The following EFHB variants were observed in gnomAD, a reference collection of about 807,000 sequenced individuals.
The protein encoded by EFHB is EF-hand domain-containing family member B.
A neutral mutation model predicts 87.2 loss-of-function variants in EFHB; 91 were observed. The ratio of observed to expected loss-of-function variants is 1.04; its 90% CI spans 0.88 to 1.24. The LOEUF (loss-of-function observed/expected upper bound fraction) is 1.24. Ranked by LOEUF, EFHB falls within the 50% of genes most tolerant of loss-of-function variation. The pLI, the probability that EFHB is intolerant of heterozygous loss-of-function variation, is 0.00. For missense variants in EFHB, 1,084 were observed against 998.8 expected (o/e 1.09, Z -1.15); for synonymous variants, 325 against 333.6 (o/e 0.97, Z 0.28).
chr3:19,915,485 G>T, intron 4 of EFHB, 72 bp from the exon 5 acceptor site: 1 of 922,780 alleles, frequency 1.1e-6, no homozygotes, highest in South Asian at 1.7e-5. Context: ...ATATTGACTA[G>T]AACAAATGAG....
intron 9 of EFHB, among the ~76,000 whole-genome samples, chr3:19,895,623 T>C (rs1485121512): frequency 6.6e-6 from 1 of 152,196 alleles, no homozygotes; most frequent in Non-Finnish European, 1.5e-5. Flanking sequence ...CTCTTATTCA[T>C]GTCACTACCA....
intron 1 of EFHB, among the ~76,000 whole-genome samples, chr3:19,926,327 TTTTTTTGGGGTTTTTTTTG>T (rs1461428265): frequency 1.4e-5 from 1 of 69,222 alleles, no homozygotes; most frequent in Non-Finnish European, 4.4e-5. Flanking sequence ...GGTTTTTTGG[TTTTTTTGGGGTTTTTTTTG>T]TTTTTTGGGG....
intron 1 of EFHB, among the ~76,000 whole-genome samples, chr3:19,921,181 A>ATGGAG (rs1695424178): frequency 6.6e-6 from 1 of 152,230 alleles, no homozygotes; most frequent in Non-Finnish European, 1.5e-5. Flanking sequence ...GAAATTGAGA[A>ATGGAG]TGGAGTGGAG....
chr3:19,928,851 A>G (rs753439065), intron 1 of EFHB, among the ~76,000 whole-genome samples: 5 of 152,220 alleles, frequency 3.3e-5, no homozygotes, highest in Non-Finnish European at 7.3e-5. Flanking sequence ...GAAAAGGACA[A>G]AAGTGTCAAT....
upstream of EFHB, among the ~76,000 whole-genome samples, chr3:19,939,140 C>G (rs1235318082): frequency 6.6e-6 from 1 of 150,722 alleles, no homozygotes; most frequent in Non-Finnish European, 1.5e-5. Context: ...CTCCTGACCT[C>G]AGGTGATCCA....
At position 19,933,875 on chromosome 3, in the gene EFHB, C is replaced by G; in HGVS notation, c.144G>C (p.Val48=). 6.2e-7 allele frequency: 1 copy of G among 1,613,958 alleles called. No individual in the cohort carries two copies. Among genetic ancestry groups the G allele is most frequent in the African/African-American group, 1.3e-5 (1 of 75,024 alleles). Residue 48 remains valine (V), a synonymous_variant, in exon 1 of 13, where the codon GTG becomes GTC. Coordinates refer to ENST00000295824, the MANE Select transcript of EFHB (RefSeq NM_144715.4). ...TCCTTCCCTCACACTTATTACTAACCACAGGGCTCTCCCCGCATCGGGAAT... is the reference window on the plus strand; with the variant it reads ...TCCTTCCCTCACACTTATTACTAACGACAGGGCTCTCCCCGCATCGGGAAT... ...KEDSRCGESP[V]VSNKCEGRMA...
chr3:19,933,231 C>G lies in EFHB; in HGVS notation c.788G>C (p.Ser263Thr). ...KFFDRTPCWPSAGKVIPVGYR... is the reference protein window; with the variant it reads ...KFFDRTPCWPTAGKVIPVGYR... ...TATGGAAAGTGGAAAAAAACTTACACTTGGCCAGCAAGGGGTCCGATCAAA... is the reference window on the plus strand; with the variant it reads ...TATGGAAAGTGGAAAAAAACTTACAGTTGGCCAGCAAGGGGTCCGATCAAA... The change falls in exon 1 of 13, where the codon AGT (serine) becomes ACT (threonine). Residue 263 changes from serine to threonine, a missense_variant and splice_region_variant. Transcript: ENST00000295824. 1 of 1,610,982 alleles carries G rather than the reference C, an allele frequency of 6.2e-7. No individual in the cohort carries two copies. The highest frequency in any genetic ancestry group is 8.5e-7 in the Non-Finnish European group (1 of 1,177,948).
In EFHB at chr3:19,884,419, T is replaced by C. The variant is rs761392775; in HGVS notation, c.2130A>G (p.Gly710=). 1 of 1,613,558 alleles carries C rather than the reference T, an allele frequency of 6.2e-7. No homozygotes were observed. ...GTGACATACAAGTAGAAGGAATGGC[T>C]CCTACAATTGCATTGATCTCAGAAG... ...TTSSEINAIV[G]AIPSTCYPIC... The change falls in exon 11 of 13, where the codon GGA becomes GGG. Residue 710 remains glycine (G), a synonymous_variant. Transcript: ENST00000295824.
At chr3:19,916,156 A>G (rs1695223400) in intron 4 of EFHB, among the ~76,000 whole-genome samples, 1 of 152,198 alleles carries the variant, frequency 6.6e-6, no homozygotes, top group African/African-American at 2.4e-5. Flanking sequence ...CCTGTGGGGT[A>G]GCCATGGTGT....
At chr3:19,932,865 G>C (rs1333562743) in intron 1 of EFHB, among the ~76,000 whole-genome samples, 1 of 152,110 alleles carries the variant, frequency 6.6e-6, no homozygotes, top group Admixed American at 6.6e-5. Flanking sequence ...ACTAAACAAT[G>C]AATGGAAAAA....
At chr3:19,887,401 AG>A (rs1474527662) in intron 10 of EFHB, among the ~76,000 whole-genome samples, 1 of 147,672 alleles carries the variant, frequency 6.8e-6, no homozygotes. Flanking sequence ...AAAAAAAAAA[AG>A]GAAGAAGAGA....
intron 1 of EFHB, among the ~76,000 whole-genome samples, chr3:19,925,021 G>A (rs1228371890): frequency 1.3e-5 from 2 of 151,876 alleles, no homozygotes; most frequent in African/African-American, 4.8e-5. Context: ...CGAGGTGGGC[G>A]GATCACGAGG....
rs560304396 is a variant in EFHB at position 19,945,455 on chromosome 3, A to G, written c.-32+1464T>C. Reference sequence around the variant, plus strand: ...TTGGGATTAGACTTCAAATTTGGGGATTAGATAATTTGTTGATAGAATGGA... The same window carrying G: ...TTGGGATTAGACTTCAAATTTGGGGGTTAGATAATTTGTTGATAGAATGGA... On this transcript the variant is annotated intron_variant, in intron 1 of 14. Coordinates refer to the EFHB transcript ENST00000344838. 2.0e-5 allele frequency among the ~76,000 whole-genome samples: 3 copies of G among 152,276 alleles called. No homozygotes were observed. In the East Asian group the frequency reaches 5.8e-4, roughly 29 times the overall value.
chr3:19,945,630 T>C (rs1696257280), intron 1 of EFHB, among the ~76,000 whole-genome samples: 1 of 152,186 alleles, frequency 6.6e-6, no homozygotes, highest in African/African-American at 2.4e-5. Flanking sequence ...ATGACAAAAC[T>C]GATGTCACAT....
chr3:19,908,598 G>GAGACAGAA (rs1694937855), intron 5 of EFHB, among the ~76,000 whole-genome samples: 7 of 77,858 alleles, frequency 9.0e-5, no homozygotes, highest in Non-Finnish European at 1.2e-4. Flanking sequence ...GAGAGAGAGA[G>GAGACAGAA]AGAAAGAAAG....
At chr3:19,880,307 T>G (rs1241071432) in intron 12 of EFHB, among the ~76,000 whole-genome samples, 2 of 151,962 alleles carry the variant, frequency 1.3e-5, no homozygotes, top group East Asian at 3.9e-4. Context: ...TGGAGTGCAG[T>G]GGTGTGATCT....
Position 19,882,688 on chromosome 3 carries a change from A to G in EFHB, c.2190T>C (p.Pro730=). The change falls in exon 12 of 13, where the codon CCT becomes CCC. Residue 730 remains proline, a synonymous_variant. Transcript: ENST00000295824. ...CGVPTIRSDI[P]APRIRRISDR... is the part of the protein sequence containing the mutation. ...CACTGATGCGACGAATTCGGGGAGC[A>G]GGAATGTCAGATCGAATGGTTGGAA... The G allele has an allele frequency of 6.2e-7, 1 of 1,613,832 alleles. No individual in the cohort carries two copies. Among genetic ancestry groups the G allele is most frequent in the South Asian group, 1.1e-5 (1 of 91,060 alleles).
Position 19,918,214 on chromosome 3 carries a change from T to C in EFHB, c.1177+18A>G. ...ATTTTACCAGCCCCTTCCCACCCCT[T>C]ATTTTTTTTTTTACTACCTTTGATG... On this transcript the variant is annotated intron_variant, in intron 4 of 12. Transcript: ENST00000295824. 1 of 1,547,634 alleles carries C rather than the reference T, an allele frequency of 6.5e-7. No homozygotes were observed. The highest frequency in any genetic ancestry group is 8.7e-7 in the Non-Finnish European group (1 of 1,151,580).
At chr3:19,941,174 G>C in intron 1 of EFHB, 1 of 380,568 alleles carries the variant, frequency 2.6e-6, no homozygotes, top group Non-Finnish European at 5.0e-6. Context: ...CCACCATCCA[G>C]GAAAATATCA....
Sources: allele counts gnomAD v4.1 joint callset (sites outside exome capture counted in the v4.1 genomes callset), GRCh38; gene constraint gnomAD v4.1.1; transcripts MANE v1.5; gene names NCBI Gene and HGNC (gene_info 2026-07-23, HGNC 2026-07-21).